ARHGEF4: variants seen among roughly 807,000 people sequenced by gnomAD.
ARHGEF4 encodes the protein APC-stimulated guanine nucleotide exchange factor 1.
A neutral mutation model predicts 162.0 loss-of-function variants in ARHGEF4; 119 were observed. The ratio of observed to expected loss-of-function variants is 0.73; its 90% CI spans 0.63 to 0.86. ARHGEF4 has a LOEUF of 0.86. ARHGEF4 is among the 40% of genes least tolerant of loss of function. The probability of loss-of-function intolerance (pLI) is 0.00; values close to 1 mark genes in which losing one functional copy is unlikely to be tolerated. For synonymous variants in ARHGEF4, 1,014 were observed against 979.9 expected (o/e 1.03, Z -0.65); for missense variants, 2,488 against 2,456.0 (o/e 1.01, Z -0.28).
At chr2:130,891,759 A>C (rs34475842) in intron 1 of ARHGEF4, among the ~76,000 whole-genome samples, 1 of 151,944 alleles carries the variant, frequency 6.6e-6, no homozygotes, top group Admixed American at 6.6e-5. Flanking sequence ...TTATGATCTC[A>C]TACAACCTTC....
chr2:130,844,844 C>T (rs1456951545), intron 1 of ARHGEF4, among the ~76,000 whole-genome samples: 2 of 151,890 alleles, frequency 1.3e-5, no homozygotes, highest in Non-Finnish European at 2.9e-5. Flanking sequence ...ATATTTGAGA[C>T]AGAATCTCAT....
In ARHGEF4 at chr2:130,870,427, G is replaced by A. The variant is rs149415269; in HGVS notation, c.39+33435G>A. Among the ~76,000 whole-genome samples the A allele has an allele frequency of 1.1e-3, 160 of 152,322 alleles. 1 individual carries two copies. The highest frequency in any genetic ancestry group is 3.4e-3 in the Middle Eastern group (1 of 294). On this transcript the variant is annotated intron_variant, in intron 1 of 13. Coordinates refer to ENST00000409359, the MANE Select transcript of ARHGEF4 (RefSeq NM_001367493.1). ...TGGCTCAGCTGAGGGGAGCCCTCCA[G>A]GGTCCCTAGCTGCCAGGACACTGCC...
At chr2:131,002,747 G>A (rs1336358132) in intron 4 of ARHGEF4, among the ~76,000 whole-genome samples, 1 of 145,558 alleles carries the variant, frequency 6.9e-6, no homozygotes, top group Non-Finnish European at 1.5e-5. Context: ...AAAAAGGGTT[G>A]TGGGGGCTGG....
chr2:130,923,669 A>T (rs755373539), intron 2 of ARHGEF4, among the ~76,000 whole-genome samples: 4 of 152,162 alleles, frequency 2.6e-5, no homozygotes, highest in Non-Finnish European at 2.9e-5. Context: ...AGATAAAAGG[A>T]AATGAGAAAG....
chr2:130,890,576 AT>A (rs34005897), intron 1 of ARHGEF4, among the ~76,000 whole-genome samples: 25,783 of 149,762 alleles, frequency 0.17, 2,541 homozygotes, highest in East Asian at 0.33. Context: ...AAAAAAAAAA[AT>A]TCCATCATTT....
At chr2:130,890,234 C>T (rs1397128149) in intron 1 of ARHGEF4, among the ~76,000 whole-genome samples, 1 of 152,180 alleles carries the variant, frequency 6.6e-6, no homozygotes. Context: ...AACCATCTCA[C>T]TTTATATCCT....
intron 4 of ARHGEF4, among the ~76,000 whole-genome samples, chr2:131,018,092 A>G (rs1207904715): frequency 6.6e-6 from 1 of 152,232 alleles, no homozygotes; most frequent in Non-Finnish European, 1.5e-5. Context: ...TTTTATACCC[A>G]CAGAAAACAA....
At position 131,044,469 on chromosome 2, in the gene ARHGEF4, G is replaced by C; in HGVS notation, c.5328G>C (p.Lys1776Asn). The change falls in exon 12 of 14, where the codon AAG becomes AAC. Residue 1776 changes from lysine (K) to asparagine (N), a missense_variant. Transcript: ENST00000409359. Reference protein sequence around the residue: ...TGDSHLLCTRKPEQKQRWLKA... With the variant: ...TGDSHLLCTRNPEQKQRWLKA... ...ACAGCCACCTGCTGTGCACCAGGAA[G>C]CCCGAGCAGAAGCAGCGCTGGCTCA... The C allele has an allele frequency of 1.3e-6, 2 of 1,554,688 alleles. No individual in the cohort carries two copies. The highest frequency in any genetic ancestry group is 8.7e-7 in the Non-Finnish European group (1 of 1,149,034).
At chr2:130,854,069 A>G (rs906619706) in intron 1 of ARHGEF4, among the ~76,000 whole-genome samples, 2 of 152,212 alleles carry the variant, frequency 1.3e-5, no homozygotes. Context: ...ATGTGTGTGG[A>G]AATAACTTGG....
intron 10 of ARHGEF4, among the ~76,000 whole-genome samples, chr2:131,042,554 G>T (rs1401942629): frequency 3.3e-5 from 5 of 152,114 alleles, no homozygotes. Flanking sequence ...CTGTCAGCGA[G>T]AGAAATGGCC....
chr2:130,836,974 C>T lies in ARHGEF4; in HGVS notation c.21C>T (p.Phe7=). The part of the protein sequence containing the change: MLSVVH[F]LRSFFKTPEP... ...CCACCATGCTCAGCGTCGTGCACTTCCTCCGGAGCTTCTTCAAGGTGAGAG... is the reference window on the plus strand; with the variant it reads ...CCACCATGCTCAGCGTCGTGCACTTTCTCCGGAGCTTCTTCAAGGTGAGAG... Residue 7 remains phenylalanine, a synonymous_variant, in exon 1 of 14, where the codon TTC becomes TTT. Transcript: ENST00000409359. 4 of 1,226,966 alleles carry T rather than the reference C, an allele frequency of 3.3e-6. No individual in the cohort carries two copies. Among genetic ancestry groups the T allele is most frequent in the South Asian group, 4.1e-5 (1 of 24,288 alleles). The allele number at this position is 1,226,966 out of a possible 1,614,324, so 76.0% of individuals were successfully genotyped here.
chr2:131,001,511 C>T (rs1019681736), intron 4 of ARHGEF4, among the ~76,000 whole-genome samples: 6 of 151,960 alleles, frequency 3.9e-5, no homozygotes, highest in African/African-American at 1.5e-4. Flanking sequence ...TTGGCAGATG[C>T]GTTGTGTGAA....
intron 1 of ARHGEF4, among the ~76,000 whole-genome samples, chr2:130,851,749 T>C (rs1681430289): frequency 6.6e-6 from 1 of 152,160 alleles, no homozygotes; most frequent in Non-Finnish European, 1.5e-5. Flanking sequence ...GTCCCAACCC[T>C]CCCGGGGCCT....
intron 1 of ARHGEF4, among the ~76,000 whole-genome samples, chr2:130,844,713 A>G (rs900071162): frequency 9.2e-5 from 14 of 152,042 alleles, no homozygotes; most frequent in African/African-American, 3.4e-4. Context: ...GGGGCATGTG[A>G]AAATTTAAAT....
chr2:131,007,508 G>A (rs1355358879), intron 4 of ARHGEF4, among the ~76,000 whole-genome samples: 4 of 151,882 alleles, frequency 2.6e-5, no homozygotes, highest in Non-Finnish European at 4.4e-5. Flanking sequence ...AAACGTGTTT[G>A]TTGCTTTTTC....
chr2:130,851,075 C>G (rs59541524), intron 1 of ARHGEF4, among the ~76,000 whole-genome samples: 14,985 of 152,316 alleles, frequency 0.098, 1,429 homozygotes, highest in African/African-American at 0.25. Context: ...GCTGTGGGAG[C>G]GCAGGCAGGA....
intron 4 of ARHGEF4, among the ~76,000 whole-genome samples, chr2:130,969,385 C>T (rs1030917716): frequency 6.6e-6 from 1 of 152,046 alleles, no homozygotes; most frequent in Non-Finnish European, 1.5e-5. Flanking sequence ...ATCACAAGAT[C>T]AGGAGAGCGA....
At chr2:130,945,234 C>T (rs976180691) in intron 3 of ARHGEF4, among the ~76,000 whole-genome samples, 3 of 152,066 alleles carry the variant, frequency 2.0e-5, no homozygotes, top group Admixed American at 1.3e-4. Context: ...AGGAGCCCTC[C>T]TTTCCTAGTT....
intron 1 of ARHGEF4, chr2:130,837,720 G>A (rs1454520156): frequency 4.9e-6 from 2 of 409,006 alleles, no homozygotes; most frequent in Non-Finnish European, 9.8e-6. Flanking sequence ...GCGGGAGGGC[G>A]GTTGCGACGC....
Sources: allele counts gnomAD v4.1 joint callset (sites outside exome capture counted in the v4.1 genomes callset), GRCh38; gene constraint gnomAD v4.1.1; transcripts MANE v1.5; gene names NCBI Gene and HGNC (gene_info 2026-07-23, HGNC 2026-07-21).